Variants in BTBD7 observed in about 807,000 individuals in gnomAD.
BTBD7 encodes the protein BTB/POZ domain-containing protein 7.
BTBD7 carries 38 observed loss-of-function variants against 99.9 expected under a neutral mutation model. The observed-to-expected ratio is 0.38, with a 90% CI of 0.29 to 0.50. The LOEUF (loss-of-function observed/expected upper bound fraction) is 0.50. BTBD7 is among the 20% of genes least tolerant of loss of function. The probability of loss-of-function intolerance (pLI) is 0.93; values close to 1 mark genes in which losing one functional copy is unlikely to be tolerated. For synonymous variants in BTBD7, 520 were observed against 511.4 expected (o/e 1.02, Z -0.23); for missense variants, 1,170 against 1,394.6 (o/e 0.84, Z 2.57).
chr14:93,315,013 C>T (rs2053182306), intron 1 of BTBD7, among the ~76,000 whole-genome samples: 1 of 152,052 alleles, frequency 6.6e-6, no homozygotes, highest in Non-Finnish European at 1.5e-5. Context: ...ACTATGATAG[C>T]TTTTGTCACA....
intron 1 of BTBD7, among the ~76,000 whole-genome samples, chr14:93,317,599 G>C (rs756593453): frequency 2.6e-5 from 4 of 152,062 alleles, no homozygotes; most frequent in Non-Finnish European, 4.4e-5. Flanking sequence ...TTTAAATTTT[G>C]AATTCAGAAA....
intron 3 of BTBD7, among the ~76,000 whole-genome samples, chr14:93,283,786 AAGT>A (rs2052748224): frequency 6.6e-6 from 1 of 152,208 alleles, no homozygotes; most frequent in African/African-American, 2.4e-5. Context: ...TCCTGGCCTT[AAGT>A]AATCTGCCTG....
At chr14:93,271,297 G>A (rs955390916) in intron 3 of BTBD7, among the ~76,000 whole-genome samples, 16 of 152,036 alleles carry the variant, frequency 1.1e-4, no homozygotes, top group Non-Finnish European at 2.1e-4. Context: ...AAACTTTTCC[G>A]CTGGCTCATG....
chr14:93,331,155 A>G (rs952397186), intron 1 of BTBD7, among the ~76,000 whole-genome samples: 2 of 152,238 alleles, frequency 1.3e-5, no homozygotes, highest in African/African-American at 4.8e-5. Context: ...AGAATGAGAC[A>G]GAGGCTCTCA....
At chr14:93,274,336 C>G (rs2052632184) in intron 3 of BTBD7, among the ~76,000 whole-genome samples, 1 of 152,232 alleles carries the variant, frequency 6.6e-6, no homozygotes, top group Non-Finnish European at 1.5e-5. Context: ...TTACAGCACC[C>G]TGCCTCAGCA....
intron 3 of BTBD7, among the ~76,000 whole-genome samples, chr14:93,292,406 G>T (rs2052869067): frequency 6.6e-6 from 1 of 151,418 alleles, no homozygotes; most frequent in Non-Finnish European, 1.5e-5. Flanking sequence ...CTCTATTTTT[G>T]ATAACATATT....
At chr14:93,313,716 AAT>A (rs953314518) in intron 1 of BTBD7, among the ~76,000 whole-genome samples, 1 of 145,280 alleles carries the variant, frequency 6.9e-6, no homozygotes, top group South Asian at 2.2e-4. Context: ...ACACACACAC[AAT>A]CACACATATA....
At chr14:93,293,068 T>C (rs1466763597) in intron 3 of BTBD7, among the ~76,000 whole-genome samples, 1 of 152,206 alleles carries the variant, frequency 6.6e-6, no homozygotes, top group Non-Finnish European at 1.5e-5. Context: ...TTTTAATATA[T>C]GGTCACAGAA....
In BTBD7 at chr14:93,276,945, A is replaced by C. The variant is rs538383112; in HGVS notation, c.1163-12952T>G. Among the ~76,000 whole-genome samples, 8 of 119,070 alleles carry C rather than the reference A, an allele frequency of 6.7e-5. No individual in the cohort carries two copies. The East Asian group carries it at 2.1e-3, about 32-fold the overall frequency. The allele number at this position is 119,070 out of a possible 152,430, so 78.1% of individuals were successfully genotyped here. A position where few individuals can be genotyped will look rare whatever the true frequency, so the allele number is the denominator to read the frequency against. ...GAGATGGAATCTCACTCTGTCACCC[A>C]GCCTGGAGTGCAGTGGCATGATCTC... is the stretch of plus-strand genomic sequence containing the variant. On this transcript the variant is annotated intron_variant, in intron 3 of 10. Transcript: ENST00000334746.
intron 3 of BTBD7, among the ~76,000 whole-genome samples, chr14:93,281,584 A>G (rs946320945): frequency 6.6e-6 from 1 of 152,238 alleles, no homozygotes; most frequent in African/African-American, 2.4e-5. Context: ...AGTTATTCAA[A>G]AGTAAACTCT....
chr14:93,322,652 C>A (rs2053283051), intron 1 of BTBD7, among the ~76,000 whole-genome samples: 3 of 152,106 alleles, frequency 2.0e-5, no homozygotes, highest in Admixed American at 1.3e-4. Flanking sequence ...AGATGTGGAA[C>A]TAAAGCACAG....
In BTBD7 at chr14:93,284,862, G is replaced by A. The variant is rs147242328; in HGVS notation, c.1162+8996C>T. On this transcript the variant is annotated intron_variant, in intron 3 of 10. Coordinates refer to ENST00000334746, the MANE Select transcript of BTBD7 (RefSeq NM_001002860.4). ...TACCCCCCAGACAAATGAAAAGTGA[G>A]AGCAGAGGGTCAGAGGTGAAGAGTT... 2.1e-3 allele frequency among the ~76,000 whole-genome samples: 327 copies of A among 152,122 alleles called. 1 individual carries two copies. Among genetic ancestry groups the A allele is most frequent in the African/African-American group, 7.5e-3 (313 of 41,502 alleles).
intron 9 of BTBD7, 137 bp from the exon 10 acceptor site, chr14:93,246,423 T>G: frequency 9.6e-7 from 1 of 1,039,096 alleles, no homozygotes; most frequent in Non-Finnish European, 1.3e-6. Flanking sequence ...TATATTTTTC[T>G]AGGCCAGAAG....
Position 93,323,793 on chromosome 14 carries a change from C to T in BTBD7, c.-107+9027G>A, listed in dbSNP as rs145616528. Among the ~76,000 whole-genome samples the T allele has an allele frequency of 4.2e-4, 64 of 152,284 alleles. No homozygotes were observed. The East Asian group carries it at 0.012, about 28-fold the overall frequency. On this transcript the variant is annotated intron_variant, in intron 1 of 10. Coordinates refer to ENST00000334746, the MANE Select transcript of BTBD7 (RefSeq NM_001002860.4). Reference sequence around the variant, plus strand: ...TTTTTACTTTAAAGACAACACCACACGTCATGTTTATTTAAAAAATGGCTT... The same window carrying T: ...TTTTTACTTTAAAGACAACACCACATGTCATGTTTATTTAAAAAATGGCTT...
chr14:93,293,197 T>C (rs773375673), intron 3 of BTBD7, among the ~76,000 whole-genome samples: 5 of 152,202 alleles, frequency 3.3e-5, no homozygotes, highest in Admixed American at 2.0e-4. Flanking sequence ...CTTCTTTTAA[T>C]GTAACTTTCA....
chr14:93,317,471 T>C (rs531759150), intron 1 of BTBD7, among the ~76,000 whole-genome samples: 1 of 152,064 alleles, frequency 6.6e-6, no homozygotes, highest in South Asian at 2.1e-4. Flanking sequence ...GCCTCCCAAG[T>C]AGCTGAGACT....
chr14:93,253,911 T>A (rs2052399422), intron 6 of BTBD7, 121 bp from the exon 7 acceptor site: 7 of 518,794 alleles, frequency 1.3e-5, no homozygotes, highest in African/African-American at 2.0e-5. Context: ...AATAAAAATT[T>A]AGAAATGTAT....
intron 4 of BTBD7, among the ~76,000 whole-genome samples, chr14:93,263,366 G>A (rs1443154721): frequency 6.6e-6 from 1 of 152,222 alleles, no homozygotes; most frequent in Non-Finnish European, 1.5e-5. Flanking sequence ...ATAAAAATGT[G>A]AGCAGATCAG....
Position 93,251,527 on chromosome 14 carries a change from G to A in BTBD7, c.1878C>T (p.Ile626=). 1 of 1,613,804 alleles carries A rather than the reference G, an allele frequency of 6.2e-7. No homozygotes were observed. The highest frequency in any genetic ancestry group is 1.1e-5 in the South Asian group (1 of 91,024). Reference sequence around the variant, plus strand: ...GGTTGCTGCTGATCTGCTGGTGGCTGATCATGTGACAACACTGTGGCACGG... The same window carrying A: ...GGTTGCTGCTGATCTGCTGGTGGCTAATCATGTGACAACACTGTGGCACGG... ...NNAVPQCCHM[I]SHQQISSNQS... is the part of the protein sequence containing the mutation. The change falls in exon 8 of 11, where the codon ATC becomes ATT. Residue 626 remains isoleucine, a synonymous_variant. Coordinates refer to ENST00000334746, the MANE Select transcript of BTBD7 (RefSeq NM_001002860.4).
Sources: allele counts gnomAD v4.1 joint callset (sites outside exome capture counted in the v4.1 genomes callset), GRCh38; gene constraint gnomAD v4.1.1; transcripts MANE v1.5; gene names NCBI Gene and HGNC (gene_info 2026-07-23, HGNC 2026-07-21).